SOS2: variants seen among roughly 807,000 people sequenced by gnomAD.
SOS2 encodes SOS Ras/Rho guanine nucleotide exchange factor 2.
SOS2 carries 65 observed loss-of-function variants against 148.2 expected under a neutral mutation model. The observed-to-expected ratio is 0.44, with a 90% CI of 0.36 to 0.54. The LOEUF (loss-of-function observed/expected upper bound fraction) is 0.54, where lower values mean the gene tolerates loss of function less well. Among genes scored for constraint, SOS2 ranks in the 20% least tolerant of loss-of-function variants. SOS2 has a pLI of 0.00. For missense variants in SOS2, 1,341 were observed against 1,590.2 expected, an observed-to-expected ratio of 0.84 and a Z score of 2.67; for synonymous variants, 539 against 537.1, an observed-to-expected ratio of 1.00 and a Z score of -0.05.
At chr14:50,133,860 T>A (rs549489286) in intron 19 of SOS2, among the ~76,000 whole-genome samples, 64 of 152,286 alleles carry the variant, frequency 4.2e-4, no homozygotes, top group African/African-American at 1.5e-3. Context: ...ACCTATTAAG[T>A]TCTCACTTTC....
At chr14:50,223,238 T>C (rs756549884) in intron 1 of SOS2, among the ~76,000 whole-genome samples, 31 of 152,090 alleles carry the variant, frequency 2.0e-4, no homozygotes, top group Non-Finnish European at 3.8e-4. Context: ...TCTGTGGAAA[T>C]ATCAAGTAAA....
intron 5 of SOS2, among the ~76,000 whole-genome samples, chr14:50,183,938 T>C (rs567577741): frequency 7.4e-4 from 112 of 152,200 alleles, no homozygotes; most frequent in Non-Finnish European, 1.3e-3. Flanking sequence ...CTAGATGATA[T>C]ACTACAACAT....
intron 1 of SOS2, among the ~76,000 whole-genome samples, chr14:50,218,549 A>C (rs910660605): frequency 6.6e-6 from 1 of 152,050 alleles, no homozygotes; most frequent in Admixed American, 6.6e-5. Flanking sequence ...AACAAAAACA[A>C]AAAAACAAAA....
At chr14:50,152,201 TATA>T (rs1255142627) in intron 13 of SOS2, among the ~76,000 whole-genome samples, 2 of 152,202 alleles carry the variant, frequency 1.3e-5, no homozygotes, top group Non-Finnish European at 2.9e-5. Context: ...TGTAATGCCC[TATA>T]ATGTCAGATA....
chr14:50,196,947 A>G (rs1321708170), intron 4 of SOS2, among the ~76,000 whole-genome samples: 2 of 152,080 alleles, frequency 1.3e-5, no homozygotes, highest in African/African-American at 4.8e-5. Context: ...GATTCCATGT[A>G]GCCTCAACCT....
intron 4 of SOS2, among the ~76,000 whole-genome samples, chr14:50,197,675 G>A (rs1444776315): frequency 1.4e-5 from 2 of 143,498 alleles, no homozygotes; most frequent in African/African-American, 2.5e-5. Flanking sequence ...CTTGAATAAA[G>A]TCAGCTTTAC....
intron 19 of SOS2, among the ~76,000 whole-genome samples, chr14:50,133,366 TTTTTTGTA>T (rs1883969762): frequency 6.7e-6 from 1 of 149,686 alleles, no homozygotes; most frequent in South Asian, 2.1e-4. Context: ...CCTGGCTAAT[TTTTTTGTA>T]TTTTTGGTAG....
Position 50,120,395 on chromosome 14 carries a change from A to G in SOS2, c.3380-11T>C. ...AACTAAAGAAAGACTCTGGGGGAGA[A>G]AAAGACTAGTTTAACCACAATTCAC... On this transcript the variant is annotated splice_polypyrimidine_tract_variant and intron_variant, in intron 21 of 22. Coordinates refer to ENST00000216373, the MANE Select transcript of SOS2 (RefSeq NM_006939.4). 7.7e-7 allele frequency: 1 copy of G among 1,296,740 alleles called. No individual in the cohort carries two copies. The highest frequency in any genetic ancestry group is 1.1e-6 in the Non-Finnish European group (1 of 897,470). 80.3% of individuals were successfully genotyped at this position (1,296,740 alleles called of 1,614,324 possible). A position where few individuals can be genotyped will look rare whatever the true frequency, so the allele number is the denominator to read the frequency against.
chr14:50,136,240 C>T (rs1184559287), intron 18 of SOS2, among the ~76,000 whole-genome samples: 2 of 152,158 alleles, frequency 1.3e-5, no homozygotes, highest in Non-Finnish European at 1.5e-5. Flanking sequence ...ATTTTAAATA[C>T]TATTTATTTA....
chr14:50,199,316 C>G (rs1286851040), intron 4 of SOS2, among the ~76,000 whole-genome samples: 1 of 152,154 alleles, frequency 6.6e-6, no homozygotes, highest in Non-Finnish European at 1.5e-5. Context: ...AATTTTCTCT[C>G]CCCTGTGCCT....
intron 1 of SOS2, among the ~76,000 whole-genome samples, chr14:50,217,716 G>GGAGGCC (rs1223454747): frequency 3.3e-5 from 5 of 152,114 alleles, no homozygotes; most frequent in African/African-American, 1.2e-4. Flanking sequence ...CAGCACTTTG[G>GGAGGCC]GAGGCCGAGG....
intron 1 of SOS2, among the ~76,000 whole-genome samples, chr14:50,225,952 AAAAC>A (rs10534429): frequency 0.3 from 45,158 of 151,558 alleles, 8,356 homozygotes; most frequent in Non-Finnish European, 0.42. Flanking sequence ...AGACCTATTC[AAAAC>A]AAACAAACAA....
At chr14:50,186,620 TAAA>T (rs61620791) in intron 5 of SOS2, among the ~76,000 whole-genome samples, 2 of 136,320 alleles carry the variant, frequency 1.5e-5, no homozygotes, top group Non-Finnish European at 3.2e-5. Flanking sequence ...CATCTATATT[TAAA>T]AAAAAAAAAA....
At chr14:50,205,739 C>G (rs1195550601) in intron 1 of SOS2, among the ~76,000 whole-genome samples, 1 of 152,010 alleles carries the variant, frequency 6.6e-6, no homozygotes, top group Non-Finnish European at 1.5e-5. Context: ...TGAGACCAGC[C>G]TGGCCAACAT....
chr14:50,211,166 G>C (rs1214104712), intron 1 of SOS2, among the ~76,000 whole-genome samples: 1 of 152,084 alleles, frequency 6.6e-6, no homozygotes, highest in Non-Finnish European at 1.5e-5. Context: ...TGGGATGTTG[G>C]TGTAAAATAC....
intron 1 of SOS2, among the ~76,000 whole-genome samples, chr14:50,220,281 C>T (rs1257969927): frequency 6.7e-6 from 1 of 150,308 alleles, no homozygotes. Flanking sequence ...TGGCGGGCGC[C>T]TGTAGTCCCA....
At chr14:50,165,927 G>A (rs1594985674) in intron 8 of SOS2, among the ~76,000 whole-genome samples, 1 of 152,190 alleles carries the variant, frequency 6.6e-6, no homozygotes, top group African/African-American at 2.4e-5. Context: ...AAATAGGAGA[G>A]TTTATATCCA....
Position 50,159,500 on chromosome 14 carries a change from C to T in SOS2, c.1783G>A (p.Gly595Ser). 1 of 1,612,966 alleles carries T rather than the reference C, an allele frequency of 6.2e-7. No homozygotes were observed. Among genetic ancestry groups the T allele is most frequent in the Non-Finnish European group, 8.5e-7 (1 of 1,179,044 alleles). The change falls in exon 10 of 23, where the codon GGC becomes AGC. Residue 595 changes from glycine to serine, a missense_variant. Transcript: ENST00000216373. ...GTTCCTCCTTTAATAATGGGGATGC[C>T]ACTTCTACTTTGCAAGTTGTCTTCA... is the stretch of plus-strand genomic sequence containing the variant. Reference protein sequence around the residue: ...VFEDNLQSRSGIPIIKGGTVV... With the variant: ...VFEDNLQSRSSIPIIKGGTVV...
At position 50,118,199 on chromosome 14, in the gene SOS2, A is replaced by C; in HGVS notation, c.*145T>G. ...GGACTTTTGTATTTTTATTTTTCCA[A>C]TTCTTAAAAGCTTATTTGATCAGTA... On this transcript the variant is annotated 3_prime_UTR_variant, in exon 23 of 23. Transcript: ENST00000216373. 1.4e-6 allele frequency: 1 copy of C among 703,706 alleles called. No individual in the cohort carries two copies. The highest frequency in any genetic ancestry group is 2.8e-5 in the East Asian group (1 of 36,160). 43.6% of individuals were successfully genotyped at this position (703,706 alleles called of 1,614,324 possible). A position where few individuals can be genotyped will look rare whatever the true frequency, so the allele number is the denominator to read the frequency against.
Sources: allele counts gnomAD v4.1 joint callset (sites outside exome capture counted in the v4.1 genomes callset), GRCh38; gene constraint gnomAD v4.1.1; transcripts MANE v1.5; gene names NCBI Gene and HGNC (gene_info 2026-07-23, HGNC 2026-07-21).